Variants in LAMB3 observed in about 807,000 individuals in gnomAD.
The protein encoded by LAMB3 is laminin subunit beta-3.
In LAMB3, 104 loss-of-function variants were observed where a neutral mutation model predicts 140.3. The ratio of observed to expected loss-of-function variants is 0.74; its 90% confidence interval spans 0.63 to 0.87. LAMB3 has a LOEUF of 0.87. LAMB3 is among the 40% of genes least tolerant of loss of function. LAMB3 has a pLI of 0.00. For missense variants in LAMB3, 1,531 were observed against 1,575.2 expected, an observed-to-expected ratio of 0.97 and a Z score of 0.47; for synonymous variants, 592 against 602.9, an observed-to-expected ratio of 0.98 and a Z score of 0.26.
chr1:209,628,105 C>A lies in LAMB3; in HGVS notation c.1218G>T (p.Gln406His). Residue 406 changes from glutamine to histidine, a missense_variant, in exon 11 of 23, where the codon CAG becomes CAT. Coordinates refer to ENST00000356082, the MANE Select transcript of LAMB3 (RefSeq NM_000228.3). ...GCTTGCATAGGTCACAGCGCTCTCC[C>A]TGCACATGCTCCTTGCACACACACT... ...TGQCVCKEHV[Q>H]GERCDLCKPG... 6.3e-7 allele frequency: 1 copy of A among 1,599,568 alleles called. No individual in the cohort carries two copies. The highest frequency in any genetic ancestry group is 2.3e-5 in the East Asian group (1 of 44,058).
rs754647330 is a variant in LAMB3, at chr1:209,623,821, C to T, written c.2137+19G>A. On this transcript the variant is annotated intron_variant, in intron 15 of 22. Transcript: ENST00000356082. The surrounding 1 kb of genome is among the most constrained non-coding windows in gnomAD (Gnocchi z 4.2). ...GGCAGTGCCCATGCCCGGGGTTATC[C>T]GGGTGCCCCTCTCCTCACCTGAAGG... is the stretch of plus-strand genomic sequence containing the variant. The T allele has an allele frequency of 5.6e-6, 9 of 1,614,162 alleles. No individual in the cohort carries two copies. The East Asian group carries it at 1.3e-4, about 24-fold the overall frequency.
Position 209,632,665 on chromosome 1 carries a change from T to A in LAMB3, c.740A>T (p.Gln247Leu). Residue 247 changes from glutamine to leucine, a missense_variant, in exon 8 of 23, where the codon CAG becomes CTG. By Grantham distance (113) the Gln-to-Leu change is moderately radical (BLOSUM62 -2). Coordinates refer to ENST00000356082, the MANE Select transcript of LAMB3 (RefSeq NM_000228.3). ...AYYAVSQLRL[Q>L]GSCFCHGHAD... is the part of the protein sequence containing the mutation. ...ATGGCCGTGACAGAAGCAGCTCCCC[T>A]GCAGACGGAGCTGGGACACAGCATA... 6.2e-7 allele frequency: 1 copy of A among 1,614,094 alleles called. No individual in the cohort carries two copies.
At chr1:209,643,307 T>C in intron 3 of LAMB3, among the ~76,000 whole-genome samples, 1 of 151,906 alleles carries the variant, frequency 6.6e-6, no homozygotes, top group Non-Finnish European at 1.5e-5. Context: ...ATATGTGATA[T>C]GCCCCCATCT....
Position 209,634,579 on chromosome 1 carries a change from T to C in LAMB3, c.432A>G (p.Arg144=), listed in dbSNP as rs760221702. The part of the protein sequence containing the change: ...ERSSDFGKTW[R]VYQYLAADCT... ...AGTCGGCAGCCAGGTACTGGTACACTCGCCAGGTCTTACCGAAGTCTGAGG... is the reference window on the plus strand; with the variant it reads ...AGTCGGCAGCCAGGTACTGGTACACCCGCCAGGTCTTACCGAAGTCTGAGG... The change falls in exon 6 of 23, where the codon CGA becomes CGG. Residue 144 remains arginine, a synonymous_variant. Coordinates refer to ENST00000356082, the MANE Select transcript of LAMB3 (RefSeq NM_000228.3). 1 of 1,614,046 alleles carries C rather than the reference T, an allele frequency of 6.2e-7. No individual in the cohort carries two copies. Among genetic ancestry groups the C allele is most frequent in the Admixed American group, 1.7e-5 (1 of 60,016 alleles).
At chr1:209,622,943 T>C in intron 17 of LAMB3, 39 bp downstream of exon 17, 1 of 1,604,876 alleles carries the variant, frequency 6.2e-7, no homozygotes, top group Non-Finnish European at 8.5e-7. Flanking sequence ...CCTGTCTGCC[T>C]CCTCCTACCT....
chr1:209,620,572 T>C (rs1009030691), intron 18 of LAMB3, among the ~76,000 whole-genome samples: 3 of 152,212 alleles, frequency 2.0e-5, no homozygotes, highest in Admixed American at 1.3e-4. Context: ...CGTAAAGCAA[T>C]AGGGTGTGAA....
intron 13 of LAMB3, 135 bp downstream of exon 13, chr1:209,626,731 AG>A: frequency 1.4e-6 from 1 of 722,554 alleles, no homozygotes; most frequent in Non-Finnish European, 2.5e-6. Context: ...GTGCACTCAC[AG>A]GGCTGCCCAG....
intron 21 of LAMB3, 107 bp downstream of exon 21, chr1:209,617,303 T>C: frequency 7.9e-7 from 1 of 1,262,350 alleles, no homozygotes; most frequent in South Asian, 1.2e-5. Context: ...GTTCTGTTAT[T>C]CTAAGCACTT....
At chr1:209,627,745 C>T (rs1666523033) in intron 11 of LAMB3, among the ~76,000 whole-genome samples, 166 bp from the exon 12 acceptor site, 1 of 152,236 alleles carries the variant, frequency 6.6e-6, no homozygotes, top group African/African-American at 2.4e-5. Context: ...CCACCAGTTC[C>T]AGCCACCTGG....
At position 209,623,394 on chromosome 1, in the gene LAMB3, T is replaced by C. The variant is rs1158847291; in HGVS notation, c.2358+111A>G. The C allele has an allele frequency of 3.5e-6, 4 of 1,158,416 alleles. No individual in the cohort carries two copies. The highest frequency in any genetic ancestry group is 3.7e-5 in the Admixed American group (2 of 54,592). The allele number at this position is 1,158,416 out of a possible 1,614,324, so 71.8% of individuals were successfully genotyped here. A position where few individuals can be genotyped will look rare whatever the true frequency, so the allele number is the denominator to read the frequency against. On this transcript the variant is annotated intron_variant, in intron 16 of 22. Coordinates refer to ENST00000356082, the MANE Select transcript of LAMB3 (RefSeq NM_000228.3). This position sits in a 1 kb window ranked among gnomAD's most constrained non-coding sequence, Gnocchi z 4.2. ...ACAAGGGTCGGGATGGCTGGGGGAG[T>C]GGGGTTCTCACAGGGGCAGATCTGC...
rs1666423468 is a variant in LAMB3, at chr1:209,625,849, A to G, written c.1775T>C (p.Leu592Pro). Reference sequence around the variant, plus strand: ...ACCAAAGCGCAGGGCCTGCTCCCGGAGGTCCGCATCATAGGTCTGGAAGCA... The same window carrying G: ...ACCAAAGCGCAGGGCCTGCTCCCGGGGGTCCGCATCATAGGTCTGGAAGCA... ...HPCFQTYDADLREQALRFGRL... is the reference protein window; with the variant it reads ...HPCFQTYDADPREQALRFGRL... Residue 592 changes from leucine (L) to proline (P), a missense_variant, in exon 14 of 23, where the codon CTC (leucine) becomes CCC (proline). Leu to Pro is a moderately conservative substitution (Grantham distance 98, BLOSUM62 -3). Coordinates refer to ENST00000356082, the MANE Select transcript of LAMB3 (RefSeq NM_000228.3). The G allele has an allele frequency of 6.2e-7, 1 of 1,613,954 alleles. No homozygotes were observed. Among genetic ancestry groups the G allele is most frequent in the Admixed American group, 1.7e-5 (1 of 59,998 alleles).
At chr1:209,626,590 G>A (rs1366446276) in intron 13 of LAMB3, among the ~76,000 whole-genome samples, 7 of 152,232 alleles carry the variant, frequency 4.6e-5, no homozygotes, top group Non-Finnish European at 1.0e-4. Flanking sequence ...CCCTGGAGAT[G>A]GCTTCTGGGA....
intron 18 of LAMB3, among the ~76,000 whole-genome samples, chr1:209,621,297 C>A (rs742256): frequency 3.9e-5 from 6 of 151,998 alleles, no homozygotes; most frequent in African/African-American, 1.5e-4. Context: ...CCATCATCCA[C>A]GTTTGTGGGG....
intron 21 of LAMB3, among the ~76,000 whole-genome samples, chr1:209,617,149 T>G (rs1042375051): frequency 2.6e-5 from 4 of 152,300 alleles, no homozygotes; most frequent in African/African-American, 9.6e-5. Flanking sequence ...TTCTTAGGCC[T>G]GTGAACGAGT....
chr1:209,630,565 CCAGCA>C (rs1666643056), intron 9 of LAMB3, 45 bp downstream of exon 9: 1 of 1,610,430 alleles, frequency 6.2e-7, no homozygotes, highest in Non-Finnish European at 8.5e-7. Flanking sequence ...CCTAGAGGGG[CCAGCA>C]CTCGACCCAG....
At chr1:209,647,030 T>C (rs2076524408) in intron 3 of LAMB3, among the ~76,000 whole-genome samples, 1 of 152,194 alleles carries the variant, frequency 6.6e-6, no homozygotes, top group Admixed American at 6.5e-5. Flanking sequence ...TTCAGGCCAT[T>C]TTGGCAAAGA....
At chr1:209,652,071 C>A (rs1234207804) in intron 1 of LAMB3, among the ~76,000 whole-genome samples, 1 of 152,136 alleles carries the variant, frequency 6.6e-6, no homozygotes, top group African/African-American at 2.4e-5. Context: ...CTCAGCTTTC[C>A]CACCCCTGAC....
rs1368120660 is a variant in LAMB3 at position 209,623,191 on chromosome 1, T to C, written c.2359-12A>G. 5.0e-6 allele frequency: 8 copies of C among 1,613,930 alleles called. No homozygotes were observed. The highest frequency in any genetic ancestry group is 6.8e-6 in the Non-Finnish European group (8 of 1,179,946). The stretch of plus-strand genomic sequence containing the variant: ...GAGTTGCCACAGAGCTGTGGACAGA[T>C]GGCGGTGTTAAAGAGGCTACCCAAA... On this transcript the variant is annotated splice_polypyrimidine_tract_variant and intron_variant, in intron 16 of 22. Coordinates refer to ENST00000356082, the MANE Select transcript of LAMB3 (RefSeq NM_000228.3). The surrounding 1 kb of genome is among the most constrained non-coding windows in gnomAD (Gnocchi z 4.2).
chr1:209,615,663 C>A (rs554857649), intron 22 of LAMB3, among the ~76,000 whole-genome samples: 10 of 152,358 alleles, frequency 6.6e-5, no homozygotes, highest in African/African-American at 2.2e-4. Context: ...ACCCTCTGGG[C>A]TCTCACAGTT....
Sources: gnomAD v4.1 joint callset for allele counts (sites outside exome capture counted in the v4.1 genomes callset) on GRCh38, gnomAD v4.1.1 for gene constraint, Gnocchi (gnomAD v3.1) non-coding constraint, MANE v1.5 for transcripts, NCBI Gene and HGNC (gene_info 2026-07-23, HGNC 2026-07-21) for gene names.